The following SHC3 variants were observed in gnomAD, a reference collection of about 807,000 sequenced individuals.
The protein encoded by SHC3 is SHC-transforming protein 3.
A neutral mutation model predicts 60.4 loss-of-function variants in SHC3; 15 were observed. The ratio of observed to expected loss-of-function variants is 0.25; its 90% CI spans 0.17 to 0.38. The LOEUF (loss-of-function observed/expected upper bound fraction) is 0.38, where lower values mean the gene tolerates loss of function less well. Among genes scored for constraint, SHC3 ranks in the 10% least tolerant of loss-of-function variants. The pLI, the probability that SHC3 is intolerant of heterozygous loss-of-function variation, is 1.00. For missense variants in SHC3, 677 were observed against 786.1 expected (o/e 0.86, Z 1.66); for synonymous variants, 294 against 325.9 (o/e 0.90, Z 1.05).
At chr9:89,146,636 G>C (rs1453684115) in intron 1 of SHC3, among the ~76,000 whole-genome samples, 1 of 152,160 alleles carries the variant, frequency 6.6e-6, no homozygotes, top group Non-Finnish European at 1.5e-5. Flanking sequence ...GAAGGGAAAG[G>C]AGGCAGAGGC....
chr9:89,161,493 C>G (rs1027201671), intron 1 of SHC3, among the ~76,000 whole-genome samples: 1 of 152,130 alleles, frequency 6.6e-6, no homozygotes, highest in African/African-American at 2.4e-5. Flanking sequence ...CACAGCAATG[C>G]GAGAATGGGC....
intron 7 of SHC3, among the ~76,000 whole-genome samples, chr9:89,047,494 G>T (rs1421517783): frequency 6.6e-6 from 1 of 152,184 alleles, no homozygotes; most frequent in East Asian, 1.9e-4. Flanking sequence ...TTGCTAACAT[G>T]TATCTTAAAT....
At chr9:89,150,801 G>T (rs769018171) in intron 1 of SHC3, among the ~76,000 whole-genome samples, 2 of 152,150 alleles carry the variant, frequency 1.3e-5, no homozygotes, top group Non-Finnish European at 2.9e-5. Context: ...CAAAGCAGCT[G>T]TACTATATTA....
chr9:89,155,352 C>T (rs1826607255), intron 1 of SHC3, among the ~76,000 whole-genome samples: 2 of 152,178 alleles, frequency 1.3e-5, no homozygotes, highest in Non-Finnish European at 2.9e-5. Context: ...GGAACAACCA[C>T]TCAGCCATCT....
At chr9:89,153,658 G>A (rs1417124756) in intron 1 of SHC3, among the ~76,000 whole-genome samples, 2 of 152,174 alleles carry the variant, frequency 1.3e-5, no homozygotes, top group Non-Finnish European at 2.9e-5. Flanking sequence ...CCACCTCAAG[G>A]GTGGCAAGAA....
At chr9:89,045,880 C>A in intron 8 of SHC3, 47 bp from the exon 9 acceptor site, 2 of 1,586,120 alleles carry the variant, frequency 1.3e-6, no homozygotes, top group Non-Finnish European at 1.7e-6. Flanking sequence ...ATTTTCTTCT[C>A]ATTTCACCAC....
intron 9 of SHC3, among the ~76,000 whole-genome samples, chr9:89,043,496 C>T (rs1042035949): frequency 1.3e-5 from 2 of 152,202 alleles, no homozygotes; most frequent in African/African-American, 4.8e-5. Flanking sequence ...ATCTTCCTGA[C>T]TGCCCTTTCC....
At chr9:89,072,486 C>T (rs778266795) in intron 4 of SHC3, among the ~76,000 whole-genome samples, 1 of 152,046 alleles carries the variant, frequency 6.6e-6, no homozygotes, top group Admixed American at 6.6e-5. Flanking sequence ...TCCAACTCGG[C>T]GCCATCTAAA....
chr9:89,152,778 C>T (rs1401359493), intron 1 of SHC3, among the ~76,000 whole-genome samples: 1 of 152,160 alleles, frequency 6.6e-6, no homozygotes, highest in African/African-American at 2.4e-5. Context: ...CAGGATTCTG[C>T]ACCATCAAAG....
chr9:89,069,105 T>C (rs1825229564), intron 5 of SHC3, among the ~76,000 whole-genome samples: 2 of 152,142 alleles, frequency 1.3e-5, no homozygotes, highest in Non-Finnish European at 2.9e-5. Flanking sequence ...GCCCAGAGTT[T>C]GAGACCAGCC....
intron 2 of SHC3, among the ~76,000 whole-genome samples, chr9:89,092,328 T>C (rs1825634101): frequency 6.6e-6 from 1 of 152,072 alleles, no homozygotes; most frequent in African/African-American, 2.4e-5. Context: ...CTATAAAAAA[T>C]CAGGTTTGGC....
intron 3 of SHC3, 24 bp from the exon 4 acceptor site, chr9:89,075,252 T>A (rs770198338): frequency 6.2e-7 from 1 of 1,612,006 alleles, no homozygotes; most frequent in Non-Finnish European, 8.5e-7. Flanking sequence ...GAGCATTATT[T>A]TAGCTGTTTC....
chr9:89,117,119 T>C (rs574816222), intron 1 of SHC3, among the ~76,000 whole-genome samples: 2 of 152,318 alleles, frequency 1.3e-5, no homozygotes, highest in African/African-American at 4.8e-5. Flanking sequence ...ATACCACCAC[T>C]TCTTTTACAG....
chr9:89,126,357 C>A (rs116133543), intron 1 of SHC3, among the ~76,000 whole-genome samples: 1 of 152,132 alleles, frequency 6.6e-6, no homozygotes, highest in East Asian at 1.9e-4. Context: ...AGGCCCCATT[C>A]GGTAGAGTCT....
At chr9:89,035,869 G>A (rs1241270992) in intron 11 of SHC3, among the ~76,000 whole-genome samples, 1 of 137,038 alleles carries the variant, frequency 7.3e-6, no homozygotes, top group East Asian at 2.3e-4. Flanking sequence ...GTGTGTGTGT[G>A]TGTGTGTGTG....
chr9:89,072,950 A>G (rs1372443331), intron 4 of SHC3, among the ~76,000 whole-genome samples: 2 of 152,240 alleles, frequency 1.3e-5, no homozygotes, highest in African/African-American at 4.8e-5. Flanking sequence ...ACACCTCAGG[A>G]TCTAGAAACC....
chr9:89,140,954 T>C (rs1029748321), intron 1 of SHC3, among the ~76,000 whole-genome samples: 1 of 152,198 alleles, frequency 6.6e-6, no homozygotes, highest in East Asian at 1.9e-4. Context: ...TAGATATCCA[T>C]ATTTTAAATT....
At chr9:89,119,275 A>T (rs1403675753) in intron 1 of SHC3, among the ~76,000 whole-genome samples, 1 of 152,178 alleles carries the variant, frequency 6.6e-6, no homozygotes, top group Non-Finnish European at 1.5e-5. Flanking sequence ...GGATACAAGT[A>T]GAATATGCAC....
Position 89,178,340 on chromosome 9 carries a change from G to A in SHC3, c.121C>T (p.Pro41Ser), listed in dbSNP as rs775123743. The change falls in exon 1 of 12, where the codon CCG becomes TCG. Residue 41 changes from proline to serine, a missense_variant. Transcript: ENST00000375835. The surrounding 1 kb of genome is among the most constrained non-coding windows in gnomAD (Gnocchi z 6.9). The part of the protein sequence containing the change: ...GGKVSAARAT[P>S]AAAPYLVSGE... ...GACACCAAGTAGGGAGCCGCCGCCG[G>A]GGTCGCGCGCGCCGCCGAAACCTTG... 4 of 1,595,546 alleles carry A rather than the reference G, an allele frequency of 2.5e-6. No individual in the cohort carries two copies. The highest frequency in any genetic ancestry group is 3.4e-6 in the Non-Finnish European group (4 of 1,172,924).
Sources: allele counts gnomAD v4.1 joint callset (sites outside exome capture counted in the v4.1 genomes callset), GRCh38; gene constraint gnomAD v4.1.1; non-coding constraint Gnocchi (gnomAD v3.1); transcripts MANE v1.5; gene names NCBI Gene and HGNC (gene_info 2026-07-23, HGNC 2026-07-21).